PCDHA4: variants seen among roughly 807,000 people sequenced by gnomAD.
The protein encoded by PCDHA4 is protocadherin alpha-4.
A neutral mutation model predicts 61.4 loss-of-function variants in PCDHA4; 49 were observed. That is an observed-to-expected ratio of 0.80 (90% CI 0.63 to 1.01). The LOEUF (loss-of-function observed/expected upper bound fraction) is 1.01. PCDHA4 is among the 50% of genes least tolerant of loss of function. The pLI is 0.00. For missense variants in PCDHA4, 1,254 were observed against 1,235.8 expected (o/e 1.01, Z -0.22); for synonymous variants, 590 against 550.3 (o/e 1.07, Z -1.01).
chr5:140,937,785 G>T (rs962276976), intron 1 of PCDHA4, among the ~76,000 whole-genome samples: 2 of 150,438 alleles, frequency 1.3e-5, no homozygotes, highest in African/African-American at 4.9e-5. Flanking sequence ...GGTGGCGGGC[G>T]TATGTAGTCC....
intron 1 of PCDHA4, chr5:140,815,313 T>C (rs1330793235): frequency 1.3e-5 from 2 of 152,162 alleles, no homozygotes; most frequent in Non-Finnish European, 2.9e-5. Flanking sequence ...AGAATTGTAA[T>C]GCTATGTTTT....
At chr5:140,868,865 G>A (rs1554162260) in intron 1 of PCDHA4, 2 of 582,344 alleles carry the variant, frequency 3.4e-6, no homozygotes. Context: ...GGTAAATGCA[G>A]TGCACAGTAC....
rs1257156985 is a variant in PCDHA4 at position 140,808,622 on chromosome 5, G to A, written c.1435G>A (p.Ala479Thr). Residue 479 changes from alanine (A) to threonine (T), a missense_variant, in exon 1 of 4, where the codon GCG becomes ACG. Coordinates refer to ENST00000530339, the MANE Select transcript of PCDHA4 (RefSeq NM_018907.4). ...GGGCTGCCACATCTTCACTGTGTCT[G>A]CGTGGGACGCGGACGCGCAGGAGAA... ...PPGCHIFTVS[A>T]WDADAQENAL... The A allele has an allele frequency of 6.2e-7, 1 of 1,613,710 alleles. No homozygotes were observed. The highest frequency in any genetic ancestry group is 8.5e-7 in the Non-Finnish European group (1 of 1,179,908).
At chr5:140,816,127 G>C (rs1554126985) in intron 1 of PCDHA4, 1 of 152,080 alleles carries the variant, frequency 6.6e-6, no homozygotes, top group Non-Finnish European at 1.5e-5. Flanking sequence ...TTTTGAAACT[G>C]TCATAATGAG....
intron 1 of PCDHA4, chr5:140,928,272 TG>T (rs781906023): frequency 6.2e-7 from 1 of 1,614,156 alleles, no homozygotes; most frequent in Non-Finnish European, 8.5e-7. Context: ...ACAATGGCCC[TG>T]GGGCCTCTCT....
rs114173550 is a variant in PCDHA4, at chr5:140,996,928, G to T, written c.2534-12699G>T. Among the ~76,000 whole-genome samples the T allele has an allele frequency of 1.8e-3, 279 of 152,148 alleles. 1 individual carries two copies. Among genetic ancestry groups the T allele is most frequent in the Non-Finnish European group, 3.0e-3 (203 of 67,996 alleles). ...GTTGAAGTAAATATTAAAAAATATA[G>T]CATTTTTGCATAGAAATATTTATTT... On this transcript the variant is annotated intron_variant, in intron 3 of 3. Coordinates refer to ENST00000530339, the MANE Select transcript of PCDHA4 (RefSeq NM_018907.4).
intron 3 of PCDHA4, among the ~76,000 whole-genome samples, chr5:140,988,304 C>T (rs1554250029): frequency 6.6e-6 from 1 of 152,308 alleles, no homozygotes; most frequent in African/African-American, 2.4e-5. Flanking sequence ...GGAGTGCCAG[C>T]TTGGCTTGGC....
At chr5:140,865,843 A>G (rs539804831) in intron 1 of PCDHA4, 2 of 152,278 alleles carry the variant, frequency 1.3e-5, no homozygotes, top group South Asian at 4.1e-4. Context: ...TTAGTAAGTC[A>G]TTTCTCTGCT....
chr5:140,870,145 G>A, intron 1 of PCDHA4: 1 of 1,614,088 alleles, frequency 6.2e-7, no homozygotes, highest in Non-Finnish European at 8.5e-7. Context: ...TAACTCTCCT[G>A]AAGTCGCCGT....
chr5:140,851,181 A>G, intron 1 of PCDHA4: 2 of 1,246,750 alleles, frequency 1.6e-6, no homozygotes, highest in Middle Eastern at 6.4e-4. Flanking sequence ...ACACTTGAAA[A>G]CCAATTTAGT....
intron 1 of PCDHA4, among the ~76,000 whole-genome samples, chr5:140,821,381 C>A (rs1364273553): frequency 6.6e-6 from 1 of 151,994 alleles, no homozygotes; most frequent in Non-Finnish European, 1.5e-5. Flanking sequence ...ATTTTAATGA[C>A]GCACTTATAT....
chr5:140,877,822 TTAAA>T, intron 1 of PCDHA4: 1 of 1,603,218 alleles, frequency 6.2e-7, no homozygotes, highest in East Asian at 2.2e-5. Flanking sequence ...AGAAGATTGT[TTAAA>T]TCCTCCCAGT....
At position 140,807,638 on chromosome 5, in the gene PCDHA4, C is replaced by A. The variant is rs1554124171; in HGVS notation, c.451C>A (p.Arg151=). 2 of 1,614,074 alleles carry A rather than the reference C, an allele frequency of 1.2e-6. No homozygotes were observed. The highest frequency in any genetic ancestry group is 1.7e-6 in the Non-Finnish European group (2 of 1,180,044). Reference sequence around the variant, plus strand: ...CGCGGAATCCAGGCCGCTTGACTCTCGGTTTCCACTAGAGGGCGCCTCGGA... The same window carrying A: ...CGCGGAATCCAGGCCGCTTGACTCTAGGTTTCCACTAGAGGGCGCCTCGGA... ...SIAESRPLDS[R]FPLEGASDAD... is the part of the protein sequence containing the mutation. The change falls in exon 1 of 4, where the codon CGG becomes AGG. Residue 151 remains arginine (R), a synonymous_variant. Coordinates refer to ENST00000530339, the MANE Select transcript of PCDHA4 (RefSeq NM_018907.4).
chr5:140,891,782 T>C (rs574840881), intron 1 of PCDHA4, among the ~76,000 whole-genome samples: 1 of 152,284 alleles, frequency 6.6e-6, no homozygotes, highest in African/African-American at 2.4e-5. Flanking sequence ...AGGAAATGTT[T>C]AGATTATGAG....
chr5:140,844,111 C>T lies in PCDHA4; in HGVS notation c.2385+34539C>T, dbSNP rs2150368836. Among the ~76,000 whole-genome samples, 154 of 149,570 alleles carry T rather than the reference C, an allele frequency of 1.0e-3. 8 individuals are homozygous for T. The highest frequency in any genetic ancestry group is 3.7e-3 in the African/African-American group (153 of 40,936). On this transcript the variant is annotated intron_variant, in intron 1 of 3. Transcript: ENST00000530339. ...TCTTAATCTTACTCCATATGCTGTA[C>T]TTTGAAATGCATGTTTTAAATATGT...
intron 1 of PCDHA4, chr5:140,848,198 C>A (rs891964710): frequency 3.2e-6 from 1 of 311,390 alleles, no homozygotes; most frequent in Non-Finnish European, 5.9e-6. Flanking sequence ...TCTGTTTCAA[C>A]AATCATTACT....
Position 140,829,171 on chromosome 5 carries a change from T to A in PCDHA4, c.2385+19599T>A, listed in dbSNP as rs1455829828. 14 of 1,614,036 alleles carry A rather than the reference T, an allele frequency of 8.7e-6. No individual in the cohort carries two copies. In the African/African-American group the frequency reaches 1.9e-4, roughly 22 times the overall value. ...TGACTTCCTTATCCTTGCCTGTACGTGAAGACGCTCAATTTGGTACTGTCA... is the reference window on the plus strand; with the variant it reads ...TGACTTCCTTATCCTTGCCTGTACGAGAAGACGCTCAATTTGGTACTGTCA... On this transcript the variant is annotated intron_variant, in intron 1 of 3. Coordinates refer to ENST00000530339, the MANE Select transcript of PCDHA4 (RefSeq NM_018907.4).
intron 1 of PCDHA4, among the ~76,000 whole-genome samples, chr5:140,819,103 C>T (rs1554127603): frequency 1.3e-5 from 2 of 152,186 alleles, no homozygotes; most frequent in Admixed American, 6.5e-5. Flanking sequence ...ATTATATGCT[C>T]ATGGTATCCT....
At chr5:140,878,923 A>G (rs895670993) in intron 1 of PCDHA4, among the ~76,000 whole-genome samples, 8 of 152,222 alleles carry the variant, frequency 5.3e-5, no homozygotes, top group African/African-American at 1.9e-4. Flanking sequence ...AGCTTCAATC[A>G]ATAATTTTAA....
Sources: allele counts gnomAD v4.1 joint callset (sites outside exome capture counted in the v4.1 genomes callset), GRCh38; gene constraint gnomAD v4.1.1; transcripts MANE v1.5; gene names NCBI Gene and HGNC (gene_info 2026-07-23, HGNC 2026-07-21).